The following DTNA variants were observed in gnomAD, a reference collection of about 807,000 sequenced individuals.
DTNA encodes dystrophin-related protein 3.
DTNA carries 43 observed loss-of-function variants against 100.7 expected under a neutral mutation model. That is an observed-to-expected ratio of 0.43 (90% CI 0.33 to 0.55). DTNA has a LOEUF of 0.55. Among genes scored for constraint, DTNA ranks in the 20% least tolerant of loss-of-function variants. The probability of loss-of-function intolerance (pLI) is 0.04; values close to 1 mark genes in which losing one functional copy is unlikely to be tolerated. For synonymous variants in DTNA, 349 were observed against 347.9 expected (o/e 1.00, Z -0.04); for missense variants, 798 against 953.9 (o/e 0.84, Z 2.15).
intron 3 of DTNA, among the ~76,000 whole-genome samples, chr18:34,792,891 A>G (rs1289793266): frequency 2.0e-5 from 3 of 152,220 alleles, no homozygotes; most frequent in Admixed American, 6.5e-5. Context: ...CTATACAAAG[A>G]CTTGTACGTG....
intron 1 of DTNA, among the ~76,000 whole-genome samples, chr18:34,703,430 G>A (rs192854560): frequency 1.1e-3 from 163 of 152,218 alleles, no homozygotes; most frequent in Admixed American, 2.4e-3. Flanking sequence ...ATTTTCACTG[G>A]GATATACTTG....
intron 1 of DTNA, among the ~76,000 whole-genome samples, chr18:34,647,976 G>T (rs553871582): frequency 2.0e-5 from 3 of 152,206 alleles, no homozygotes; most frequent in Non-Finnish European, 4.4e-5. Context: ...ATCTAAATTA[G>T]TTTGGCAATC....
intron 4 of DTNA, among the ~76,000 whole-genome samples, chr18:34,797,751 G>A (rs865806312): frequency 8.9e-4 from 135 of 152,176 alleles, no homozygotes; most frequent in African/African-American, 3.0e-3. Flanking sequence ...GAGGTTCTGT[G>A]AAGCCTTTCG....
chr18:34,509,906 T>C (rs1479322494), intron 1 of DTNA, among the ~76,000 whole-genome samples: 1 of 152,070 alleles, frequency 6.6e-6, no homozygotes, highest in Admixed American at 6.6e-5. Context: ...AATCCTTGTA[T>C]AGACAAGGAG....
At chr18:34,683,394 CTTAGTTAT>C (rs2078401623) in intron 1 of DTNA, 1 of 152,138 alleles carries the variant, frequency 6.6e-6, no homozygotes, top group South Asian at 2.1e-4. Flanking sequence ...TGGTACTTCA[CTTAGTTAT>C]TTTAAATGGA....
At chr18:34,524,244 C>G (rs959308307) in intron 1 of DTNA, among the ~76,000 whole-genome samples, 1 of 152,126 alleles carries the variant, frequency 6.6e-6, no homozygotes, top group African/African-American at 2.4e-5. Context: ...TTGCTGTGCT[C>G]TGTGCACCTC....
chr18:34,590,747 C>T (rs532644845), intron 1 of DTNA, among the ~76,000 whole-genome samples: 40 of 152,320 alleles, frequency 2.6e-4, no homozygotes, highest in African/African-American at 7.9e-4. Context: ...TTTTTCTGAT[C>T]TAATCCTAAT....
intron 1 of DTNA, among the ~76,000 whole-genome samples, chr18:34,694,220 G>T (rs1326895883): frequency 6.6e-6 from 1 of 152,104 alleles, no homozygotes; most frequent in Non-Finnish European, 1.5e-5. Context: ...TTCCCTAGAA[G>T]AGCTTTGCAG....
chr18:34,595,382 CA>C (rs113504077), intron 1 of DTNA, among the ~76,000 whole-genome samples: 4 of 143,138 alleles, frequency 2.8e-5, no homozygotes, highest in Admixed American at 1.4e-4. Context: ...TTCAGTGTGT[CA>C]AAAAAAAACA....
At chr18:34,617,092 T>C (rs1163745274) in intron 1 of DTNA, among the ~76,000 whole-genome samples, 1 of 152,144 alleles carries the variant, frequency 6.6e-6, no homozygotes, top group Admixed American at 6.6e-5. Context: ...TTCCTCTCTT[T>C]CTGTTTGGAT....
chr18:34,560,307 C>G (rs1048153248), intron 1 of DTNA, among the ~76,000 whole-genome samples: 2 of 152,166 alleles, frequency 1.3e-5, no homozygotes, highest in Non-Finnish European at 2.9e-5. Flanking sequence ...AGGAACATAG[C>G]TGGGTGCTAC....
At chr18:34,710,556 C>A (rs953138339) in intron 1 of DTNA, 111 bp downstream of exon 1, 1 of 151,996 alleles carries the variant, frequency 6.6e-6, no homozygotes, top group African/African-American at 2.4e-5. Context: ...ACATGGGCAC[C>A]CGATAAATTT....
At chr18:34,713,285 T>G (rs1315487573) in intron 1 of DTNA, among the ~76,000 whole-genome samples, 1 of 152,198 alleles carries the variant, frequency 6.6e-6, no homozygotes, top group Non-Finnish European at 1.5e-5. Flanking sequence ...GTAGTATGAT[T>G]CTCAGAAATT....
chr18:34,848,380 G>A lies in DTNA; in HGVS notation c.1431G>A (p.Ser477=), dbSNP rs202088347. 44 of 1,613,800 alleles carry A rather than the reference G, an allele frequency of 2.7e-5. No homozygotes were observed. Among genetic ancestry groups the A allele is most frequent in the African/African-American group, 1.1e-4 (8 of 74,902 alleles). ...CAAGGCTGGCAGCAGAGTCCTCTTC[G>A]TCTGTAAGTAGTTGGAGTAAAAGGA... ...YAARLAAESS[S]SQPPQQRSAP... Residue 477 remains serine (S), a synonymous_variant, in exon 14 of 23, where the codon TCG becomes TCA. Transcript: ENST00000444659.
In DTNA at chr18:34,890,963, A is replaced by T. The variant is rs1384805931; in HGVS notation, c.*3229A>T. 6.5e-6 allele frequency: 1 copy of T among 152,794 alleles called. No individual in the cohort carries two copies. Among genetic ancestry groups the T allele is most frequent in the Non-Finnish European group, 1.5e-5 (1 of 68,232 alleles). The allele number at this position is 152,794 out of a possible 1,614,324, so 9.5% of individuals were successfully genotyped here. On this transcript the variant is annotated 3_prime_UTR_variant, in exon 23 of 23. Coordinates refer to ENST00000444659, the MANE Select transcript of DTNA (RefSeq NM_001386795.1). The stretch of plus-strand genomic sequence containing the variant: ...CTGTTAACCGTAGATAGATCTTGTA[A>T]ATCCAGCAACCTTTGGTTGCTGCAT...
chr18:34,737,817 T>A (rs2147600644), intron 1 of DTNA: 1 of 152,290 alleles, frequency 6.6e-6, no homozygotes, highest in Non-Finnish European at 1.5e-5. Context: ...CTAACTTCAC[T>A]CATTTTAGGC....
intron 1 of DTNA, among the ~76,000 whole-genome samples, chr18:34,625,103 C>T (rs533930273): frequency 2.6e-5 from 4 of 151,330 alleles, no homozygotes; most frequent in South Asian, 2.1e-4. Context: ...GGCACGATCT[C>T]GGCTCACTGC....
At chr18:34,798,512 C>T (rs2095080548) in intron 4 of DTNA, among the ~76,000 whole-genome samples, 1 of 152,180 alleles carries the variant, frequency 6.6e-6, no homozygotes, top group South Asian at 2.1e-4. Context: ...CCTGCTTCCC[C>T]AGGAAACACT....
chr18:34,869,215 T>C (rs896273467), intron 17 of DTNA, among the ~76,000 whole-genome samples: 1 of 152,166 alleles, frequency 6.6e-6, no homozygotes, highest in Non-Finnish European at 1.5e-5. Context: ...TAAAATCTTA[T>C]ACGTCAGCTA....
Sources: allele counts gnomAD v4.1 joint callset (sites outside exome capture counted in the v4.1 genomes callset), GRCh38; gene constraint gnomAD v4.1.1; transcripts MANE v1.5; gene names NCBI Gene and HGNC (gene_info 2026-07-23, HGNC 2026-07-21).